ANKRD11: variants seen among roughly 807,000 people sequenced by gnomAD.
ANKRD11 encodes the protein ankyrin repeat domain 11, also known as ankyrin repeat domain-containing protein 11.
In ANKRD11, 17 loss-of-function variants were observed where a neutral mutation model predicts 195.7. The observed-to-expected ratio is 0.09, with a 90% CI of 0.06 to 0.13. The LOEUF (loss-of-function observed/expected upper bound fraction) is 0.13, where lower values mean the gene tolerates loss of function less well. Ranked by LOEUF, ANKRD11 falls within the 10% of genes least tolerant of loss-of-function variation. The pLI is 1.00. For missense variants in ANKRD11, 3,735 were observed against 3,566.1 expected (o/e 1.05, Z -1.21); for synonymous variants, 1,953 against 1,528.1 (o/e 1.28, Z -6.49).
At chr16:89,377,141 C>G (rs534632451) in intron 2 of ANKRD11, among the ~76,000 whole-genome samples, 1 of 152,174 alleles carries the variant, frequency 6.6e-6, no homozygotes, top group Non-Finnish European at 1.5e-5. Context: ...GTGAGTTCAA[C>G]AGCAGAGGCG....
At chr16:89,357,415 T>C (rs1366111965) in intron 2 of ANKRD11, among the ~76,000 whole-genome samples, 1 of 152,080 alleles carries the variant, frequency 6.6e-6, no homozygotes, top group Non-Finnish European at 1.5e-5. Context: ...CGTGCATTGC[T>C]GGTGGGAACA....
intron 1 of ANKRD11, among the ~76,000 whole-genome samples, chr16:89,451,980 C>T (rs942462816): frequency 3.3e-5 from 5 of 151,864 alleles, no homozygotes; most frequent in African/African-American, 1.2e-4. Flanking sequence ...TCATTTGCGC[C>T]GGGTGCAGTG....
Position 89,463,054 on chromosome 16 carries a change from G to T in ANKRD11, c.-145+27191C>A, listed in dbSNP as rs532964187. Among the ~76,000 whole-genome samples the T allele has an allele frequency of 1.3e-3, 141 of 106,526 alleles. 1 individual carries two copies. Among genetic ancestry groups the T allele is most frequent in the Middle Eastern group, 5.3e-3 (1 of 190 alleles). 69.9% of individuals were successfully genotyped at this position (106,526 alleles called of 152,430 possible). A position where few individuals can be genotyped will look rare whatever the true frequency, so the allele number is the denominator to read the frequency against. On this transcript the variant is annotated intron_variant, in intron 1 of 12. Coordinates refer to ENST00000301030, the MANE Select transcript of ANKRD11 (RefSeq NM_013275.6). ...GCCCCATCCGGGAGGGAGGTGGGGG[G>T]GTCAGCCCCCCCGCCCGGCCAGCCG...
intron 2 of ANKRD11, among the ~76,000 whole-genome samples, chr16:89,375,436 G>A (rs930446914): frequency 1.1e-4 from 17 of 150,352 alleles, no homozygotes; most frequent in Non-Finnish European, 2.5e-4. Flanking sequence ...CTGCGCTCCC[G>A]CCCAGGCAAC....
At position 89,285,706 on chromosome 16, in the gene ANKRD11, A is replaced by G; in HGVS notation, c.893-57T>C. ...CAGGCTCAAAACAGCTCTCCCCAGA[A>G]TGGCAGAGGAGGGAGGCTCTGCAGA... On this transcript the variant is annotated intron_variant, in intron 8 of 12. Transcript: ENST00000301030. This position sits in a 1 kb window ranked among gnomAD's most constrained non-coding sequence, Gnocchi z 5.6. 1.3e-6 allele frequency: 2 copies of G among 1,574,730 alleles called. No homozygotes were observed. Among genetic ancestry groups the G allele is most frequent in the Non-Finnish European group, 1.7e-6 (2 of 1,144,450 alleles).
intron 2 of ANKRD11, among the ~76,000 whole-genome samples, chr16:89,355,560 G>C (rs1015208902): frequency 3.9e-5 from 6 of 152,150 alleles, no homozygotes; most frequent in African/African-American, 9.7e-5. Context: ...CTTCCAGCAG[G>C]GACGGCCCCA....
intron 2 of ANKRD11, among the ~76,000 whole-genome samples, chr16:89,348,686 T>C (rs2039056807): frequency 6.6e-6 from 1 of 152,184 alleles, no homozygotes; most frequent in Admixed American, 6.5e-5. Context: ...GTTTAAGTCT[T>C]TTGAAGAATT....
intron 2 of ANKRD11, among the ~76,000 whole-genome samples, chr16:89,391,713 C>T (rs2041208133): frequency 1.3e-5 from 2 of 152,204 alleles, no homozygotes; most frequent in South Asian, 4.1e-4. Flanking sequence ...GACAGAGAAT[C>T]AGTAAGCACA....
rs869142504 is a variant in ANKRD11 at position 89,334,144 on chromosome 16, T to TAAAAAAAAAAAAAAA, written c.-59-17081_-59-17067dup. Among the ~76,000 whole-genome samples the TAAAAAAAAAAAAAAA allele has an allele frequency of 3.4e-4, 14 of 41,412 alleles. 1 individual carries two copies. The highest frequency in any genetic ancestry group is 1.3e-3 in the African/African-American group (14 of 10,444). The allele number at this position is 41,412 out of a possible 152,430, so 27.2% of individuals were successfully genotyped here. A position where few individuals can be genotyped will look rare whatever the true frequency, so the allele number is the denominator to read the frequency against. On this transcript the variant is annotated intron_variant, in intron 2 of 12. Coordinates refer to ENST00000301030, the MANE Select transcript of ANKRD11 (RefSeq NM_013275.6). ...GGTAACATGATGAAACCCTGTGTTTTAAAAAAAAAAAAAAAAAAAAAAAAA... is the reference window on the plus strand; with the variant it reads ...GGTAACATGATGAAACCCTGTGTTTTAAAAAAAAAAAAAAAAAAAAAAAAAAAAAAAAAAAAAAAA...
At chr16:89,359,935 T>C (rs946528428) in intron 2 of ANKRD11, among the ~76,000 whole-genome samples, 1 of 151,774 alleles carries the variant, frequency 6.6e-6, no homozygotes, top group Admixed American at 6.6e-5. Flanking sequence ...CATGTGAGGG[T>C]GTACTACATA....
intron 1 of ANKRD11, among the ~76,000 whole-genome samples, chr16:89,471,331 T>A (rs2152350687): frequency 6.6e-6 from 1 of 152,272 alleles, no homozygotes; most frequent in South Asian, 2.1e-4. Context: ...TGCCCCGAAG[T>A]CCTGTGTGGA....
chr16:89,383,649 C>T (rs1245009220), intron 2 of ANKRD11, among the ~76,000 whole-genome samples: 8 of 152,196 alleles, frequency 5.3e-5, no homozygotes, highest in East Asian at 1.9e-4. Context: ...ACGCAGCAGA[C>T]GTCGAGCCCC....
At chr16:89,398,384 CAGATGAAGATTACCTGTGAT>C (rs1291726772) in intron 2 of ANKRD11, among the ~76,000 whole-genome samples, 38,023 of 121,322 alleles carry the variant, frequency 0.31, 13,979 homozygotes, top group Middle Eastern at 0.58. Context: ...CGCTGTGAAA[CAGATGAAGATTACCTGTGAT>C]CTCAGCACTC....
At chr16:89,428,664 A>G (rs1186245176) in intron 1 of ANKRD11, among the ~76,000 whole-genome samples, 1 of 151,706 alleles carries the variant, frequency 6.6e-6, no homozygotes, top group East Asian at 1.9e-4. Flanking sequence ...GGGAGGCCGA[A>G]GTGGATGGAT....
intron 2 of ANKRD11, among the ~76,000 whole-genome samples, chr16:89,407,694 C>A (rs1197748644): frequency 1.3e-5 from 2 of 152,008 alleles, no homozygotes; most frequent in African/African-American, 4.8e-5. Context: ...CATAGACACA[C>A]ACAGAATTAG....
Position 89,377,156 on chromosome 16 carries a change from C to T in ANKRD11, c.-60+41128G>A, listed in dbSNP as rs1328021627. On this transcript the variant is annotated intron_variant, in intron 2 of 12. Coordinates refer to ENST00000301030, the MANE Select transcript of ANKRD11 (RefSeq NM_013275.6). ...GTGAGTTCAACAGCAGAGGCGTCAACGTGGTCTTCCTGTCCCCAAACACAG... is the reference window on the plus strand; with the variant it reads ...GTGAGTTCAACAGCAGAGGCGTCAATGTGGTCTTCCTGTCCCCAAACACAG... Among the ~76,000 whole-genome samples, 3 of 152,172 alleles carry T rather than the reference C, an allele frequency of 2.0e-5. 1 individual carries two copies. Among genetic ancestry groups the T allele is most frequent in the Admixed American group, 1.3e-4 (2 of 15,268 alleles).
intron 2 of ANKRD11, among the ~76,000 whole-genome samples, chr16:89,374,505 C>T (rs2040334006): frequency 6.6e-6 from 1 of 152,228 alleles, no homozygotes; most frequent in Non-Finnish European, 1.5e-5. Context: ...AAGCCCTGCT[C>T]TGTGAGAGAA....
rs576333338 is a variant in ANKRD11 at position 89,280,952 on chromosome 16, C to T, written c.5590G>A (p.Ala1864Thr). ...DYGLPSPKVD[A>T]LHCPPAAVVT... Reference sequence around the variant, plus strand: ...ACGGCAGCCGGTGGGCAGTGCAAAGCGTCGACTTTGGGCGACGGGAGGCCA... The same window carrying T: ...ACGGCAGCCGGTGGGCAGTGCAAAGTGTCGACTTTGGGCGACGGGAGGCCA... Residue 1864 changes from alanine (A) to threonine (T), a missense_variant, in exon 9 of 13, where the codon GCT (alanine) becomes ACT (threonine). Coordinates refer to ENST00000301030, the MANE Select transcript of ANKRD11 (RefSeq NM_013275.6). The T allele has an allele frequency of 8.9e-6, 14 of 1,577,970 alleles. No individual in the cohort carries two copies. The South Asian group carries it at 1.3e-4, about 14-fold the overall frequency.
intron 11 of ANKRD11, among the ~76,000 whole-genome samples, chr16:89,274,318 G>T (rs903690168): frequency 6.6e-6 from 1 of 152,214 alleles, no homozygotes; most frequent in Non-Finnish European, 1.5e-5. Flanking sequence ...GGCCCGCCCT[G>T]GCCCAGATGA....
Sources: gnomAD v4.1 joint callset for allele counts (sites outside exome capture counted in the v4.1 genomes callset) on GRCh38, gnomAD v4.1.1 for gene constraint, Gnocchi (gnomAD v3.1) non-coding constraint, MANE v1.5 for transcripts, NCBI Gene and HGNC (gene_info 2026-07-23, HGNC 2026-07-21) for gene names.